The following ZBTB16 variants were observed in gnomAD, a reference collection of about 807,000 sequenced individuals.
ZBTB16 encodes the protein zinc finger and BTB domain-containing protein 16.
A neutral mutation model predicts 56.8 loss-of-function variants in ZBTB16; 8 were observed. The ratio of observed to expected loss-of-function variants is 0.14; its 90% confidence interval spans 0.08 to 0.25. The LOEUF (loss-of-function observed/expected upper bound fraction) is 0.25. ZBTB16 is among the 10% of genes least tolerant of loss of function. The pLI is 1.00. For synonymous variants in ZBTB16, 363 were observed against 368.5 expected, an observed-to-expected ratio of 0.98 and a Z score of 0.17; for missense variants, 625 against 903.0, an observed-to-expected ratio of 0.69 and a Z score of 3.95.
intron 2 of ZBTB16, among the ~76,000 whole-genome samples, chr11:114,113,789 A>G (rs1217817510): frequency 1.3e-5 from 2 of 152,216 alleles, no homozygotes; most frequent in Non-Finnish European, 2.9e-5. Context: ...TTCAAAATCA[A>G]TTCTATGGAG....
At chr11:114,095,350 TC>T in intron 2 of ZBTB16, among the ~76,000 whole-genome samples, 1 of 135,880 alleles carries the variant, frequency 7.4e-6, no homozygotes, top group South Asian at 2.6e-4. Flanking sequence ...AACCTCCGCC[TC>T]CCAGGTTCAA....
chr11:114,078,139 A>G (rs1939634201), intron 2 of ZBTB16, among the ~76,000 whole-genome samples: 2 of 152,212 alleles, frequency 1.3e-5, no homozygotes, highest in African/African-American at 4.8e-5. Context: ...AGCTGCATTT[A>G]TCATACGGTT....
At chr11:114,248,101 T>C (rs1591814817) in intron 6 of ZBTB16, among the ~76,000 whole-genome samples, 1 of 152,164 alleles carries the variant, frequency 6.6e-6, no homozygotes, top group Admixed American at 6.5e-5. Context: ...GGTTTTGCCA[T>C]GTTGGTCAGG....
chr11:114,081,935 C>T (rs1474856637), intron 2 of ZBTB16, among the ~76,000 whole-genome samples: 7 of 151,928 alleles, frequency 4.6e-5, no homozygotes, highest in African/African-American at 7.2e-5. Context: ...TGAGCAGACC[C>T]GGGTTCAGAT....
Position 114,064,221 on chromosome 11 carries a change from A to G in ZBTB16, c.921A>G (p.Pro307=). The change falls in exon 2 of 7, where the codon CCA becomes CCG. Residue 307 remains proline, a synonymous_variant. Transcript: ENST00000335953. This position sits in a 1 kb window ranked among gnomAD's most constrained non-coding sequence, Gnocchi z 4.2. ...GAGAGGAGAGTGCCGAGCAGGTGCC[A>G]CCCCCAGCTGAGGCTGGCCAGGCCC... is the stretch of plus-strand genomic sequence containing the variant. ...YGREESAEQV[P]PPAEAGQAPT... 1 of 1,613,802 alleles carries G rather than the reference A, an allele frequency of 6.2e-7. No individual in the cohort carries two copies. Among genetic ancestry groups the G allele is most frequent in the East Asian group, 2.2e-5 (1 of 44,858 alleles).
At chr11:114,068,392 C>T (rs1040000697) in intron 2 of ZBTB16, among the ~76,000 whole-genome samples, 4 of 152,118 alleles carry the variant, frequency 2.6e-5, no homozygotes, top group African/African-American at 7.2e-5. Flanking sequence ...GCTGTTGGCT[C>T]AACAGATAGT....
intron 2 of ZBTB16, among the ~76,000 whole-genome samples, chr11:114,100,496 A>G (rs764697896): frequency 4.6e-5 from 7 of 152,104 alleles, no homozygotes; most frequent in Non-Finnish European, 7.4e-5. Flanking sequence ...TTTTGAGGGG[A>G]CTAGTATGTA....
At position 114,158,740 on chromosome 11, in the gene ZBTB16, G is replaced by A. The variant is rs114064309; in HGVS notation, c.1366+2306G>A. Among the ~76,000 whole-genome samples the A allele has an allele frequency of 9.9e-3, 1,503 of 152,304 alleles. 26 individuals carry two copies. Among genetic ancestry groups the A allele is most frequent in the African/African-American group, 0.033 (1,361 of 41,544 alleles). On this transcript the variant is annotated intron_variant, in intron 3 of 6. Coordinates refer to ENST00000335953, the MANE Select transcript of ZBTB16 (RefSeq NM_006006.6). The stretch of plus-strand genomic sequence containing the variant: ...TATTTAACGCTATCTCGGAGAAGCT[G>A]TGAGGCTCACCTTGAATACATACCA...
chr11:114,103,941 G>A (rs998459716), intron 2 of ZBTB16, among the ~76,000 whole-genome samples: 3 of 152,070 alleles, frequency 2.0e-5, no homozygotes, highest in Non-Finnish European at 2.9e-5. Flanking sequence ...TCTTTTTCAC[G>A]TGTGGGCTGA....
At chr11:114,088,579 C>T (rs1940055172) in intron 2 of ZBTB16, among the ~76,000 whole-genome samples, 2 of 152,170 alleles carry the variant, frequency 1.3e-5, no homozygotes, top group Admixed American at 1.3e-4. Context: ...GTGCCCTGGA[C>T]ATCATAGGTA....
intron 5 of ZBTB16, among the ~76,000 whole-genome samples, chr11:114,244,218 G>A (rs1346636246): frequency 6.6e-6 from 1 of 152,008 alleles, no homozygotes; most frequent in Admixed American, 6.6e-5. Flanking sequence ...GATTCACACG[G>A]CTCATCATAT....
intron 4 of ZBTB16, chr11:114,187,276 G>A: frequency 1.6e-6 from 1 of 616,490 alleles, no homozygotes; most frequent in Non-Finnish European, 3.0e-6. Flanking sequence ...ATTAGGCCAA[G>A]ATCTGTCTCT....
chr11:114,222,272 C>T (rs1019648662), intron 4 of ZBTB16, among the ~76,000 whole-genome samples: 1 of 152,194 alleles, frequency 6.6e-6, no homozygotes, highest in Non-Finnish European at 1.5e-5. Flanking sequence ...AAAGTATCAT[C>T]CATGCTGTTT....
intron 2 of ZBTB16, among the ~76,000 whole-genome samples, chr11:114,091,976 C>G (rs745661320): frequency 6.6e-6 from 1 of 152,210 alleles, no homozygotes; most frequent in Non-Finnish European, 1.5e-5. Flanking sequence ...CAGGCTGGGC[C>G]TCACCCTTTT....
intron 2 of ZBTB16, among the ~76,000 whole-genome samples, chr11:114,091,827 C>T (rs952649659): frequency 2.8e-4 from 43 of 152,002 alleles, no homozygotes; most frequent in African/African-American, 1.0e-3. Context: ...AAATGGCCTC[C>T]CCTCCCCCTC....
chr11:114,172,882 G>T (rs1296642662), intron 3 of ZBTB16, among the ~76,000 whole-genome samples: 1 of 152,174 alleles, frequency 6.6e-6, no homozygotes, highest in Admixed American at 6.5e-5. Context: ...TTTTTTTCCG[G>T]CAGGGAGGTG....
At chr11:114,067,122 GAAGT>G (rs1939149263) in intron 2 of ZBTB16, among the ~76,000 whole-genome samples, 1 of 152,138 alleles carries the variant, frequency 6.6e-6, no homozygotes, top group Non-Finnish European at 1.5e-5. Flanking sequence ...CTGAATTAAT[GAAGT>G]AAGATCCAGA....
intron 2 of ZBTB16, among the ~76,000 whole-genome samples, chr11:114,156,096 T>C (rs1241852037): frequency 6.6e-6 from 1 of 152,200 alleles, no homozygotes; most frequent in African/African-American, 2.4e-5. Flanking sequence ...TCTTGGTCCA[T>C]GTGTCAGTGG....
chr11:114,164,195 G>A (rs915089341), intron 3 of ZBTB16, among the ~76,000 whole-genome samples: 1 of 152,172 alleles, frequency 6.6e-6, no homozygotes, highest in African/African-American at 2.4e-5. Flanking sequence ...CCCTCAGAGA[G>A]GAGCCTGTCA....
Sources: allele counts gnomAD v4.1 joint callset (sites outside exome capture counted in the v4.1 genomes callset), GRCh38; gene constraint gnomAD v4.1.1; non-coding constraint Gnocchi (gnomAD v3.1); transcripts MANE v1.5; gene names NCBI Gene and HGNC (gene_info 2026-07-23, HGNC 2026-07-21).